Variants in PLPP3 observed in about 807,000 individuals in gnomAD.
PLPP3 encodes phospholipid phosphatase 3.
In PLPP3, 6 loss-of-function variants were observed where a neutral mutation model predicts 29.6. The observed-to-expected ratio is 0.20, with a 90% confidence interval of 0.11 to 0.40. The LOEUF (loss-of-function observed/expected upper bound fraction) is 0.40, where lower values mean the gene tolerates loss of function less well. Ranked by LOEUF, PLPP3 falls within the 10% of genes least tolerant of loss-of-function variation. PLPP3 has a pLI of 1.00. For synonymous variants in PLPP3, 152 were observed against 159.7 expected, an observed-to-expected ratio of 0.95 and a Z score of 0.36; for missense variants, 308 against 407.7, an observed-to-expected ratio of 0.76 and a Z score of 2.11.
At chr1:56,538,407 A>C in intron 1 of PLPP3, 1 of 362,504 alleles carries the variant, frequency 2.8e-6, no homozygotes. Context: ...CCAAAAACAC[A>C]GTGGCCTTTC....
intron 1 of PLPP3, among the ~76,000 whole-genome samples, chr1:56,569,404 C>A (rs1185499721): frequency 6.6e-6 from 1 of 152,046 alleles, no homozygotes; most frequent in Admixed American, 6.5e-5. Context: ...AAACTCCTGA[C>A]CTCGTGATCT....
chr1:56,550,376 T>A (rs985045715), intron 1 of PLPP3, among the ~76,000 whole-genome samples: 1 of 152,172 alleles, frequency 6.6e-6, no homozygotes, highest in African/African-American at 2.4e-5. Flanking sequence ...TGCTGGGTAA[T>A]GCATTTTTCA....
chr1:56,501,783 T>C (rs1270008230), intron 5 of PLPP3, among the ~76,000 whole-genome samples: 2 of 151,866 alleles, frequency 1.3e-5, no homozygotes, highest in East Asian at 3.9e-4. Flanking sequence ...TGGAAAAAGA[T>C]AAAAAGAGAG....
chr1:56,573,863 G>C (rs1034751284), intron 1 of PLPP3, among the ~76,000 whole-genome samples: 12 of 152,238 alleles, frequency 7.9e-5, no homozygotes, highest in African/African-American at 2.9e-4. Flanking sequence ...GCACAAGAAA[G>C]GGTAAAGGAA....
intron 1 of PLPP3, among the ~76,000 whole-genome samples, chr1:56,556,140 C>T (rs1203350528): frequency 6.6e-6 from 1 of 152,102 alleles, no homozygotes; most frequent in African/African-American, 2.4e-5. Flanking sequence ...TAAATTGTGC[C>T]CTCTCCCACC....
intron 4 of PLPP3, among the ~76,000 whole-genome samples, chr1:56,514,954 G>T (rs1232478916): frequency 6.6e-6 from 1 of 152,188 alleles, no homozygotes; most frequent in African/African-American, 2.4e-5. Flanking sequence ...TGTTAGTCTA[G>T]CTCCAACTCA....
At chr1:56,539,545 AAAAG>A (rs1188885380) in intron 1 of PLPP3, among the ~76,000 whole-genome samples, 2 of 152,210 alleles carry the variant, frequency 1.3e-5, no homozygotes, top group African/African-American at 4.8e-5. Context: ...TGGTGCTTTG[AAAAG>A]AAAGAACAGC....
rs372695116 is a variant in PLPP3 at position 56,557,006 on chromosome 1, GA to G, written c.140-19895del. On this transcript the variant is annotated intron_variant, in intron 1 of 5. Coordinates refer to ENST00000371250, the MANE Select transcript of PLPP3 (RefSeq NM_003713.5). The stretch of plus-strand genomic sequence containing the variant: ...AGAAAGAAAGAAAGAAAGAAAGAAA[GA>G]AAGAGAGAGAGAGAGAGAAAGAGAG... Among the ~76,000 whole-genome samples the G allele has an allele frequency of 1.2e-3, 8 of 6,458 alleles. 1 individual carries two copies. Among genetic ancestry groups the G allele is most frequent in the South Asian group, 2.4e-3 (1 of 420 alleles). 4.2% of individuals were successfully genotyped at this position (6,458 alleles called of 152,430 possible).
intron 2 of PLPP3, among the ~76,000 whole-genome samples, chr1:56,536,146 T>C (rs1645925548): frequency 6.6e-6 from 1 of 152,114 alleles, no homozygotes; most frequent in South Asian, 2.1e-4. Context: ...CTTTGAAGCG[T>C]TCAATTAACT....
At chr1:56,547,944 C>T (rs1930759) in intron 1 of PLPP3, among the ~76,000 whole-genome samples, 10,872 of 152,280 alleles carry the variant, frequency 0.071, 467 homozygotes, top group Admixed American at 0.14. Context: ...CTTTGAAAAG[C>T]TGTGAGGATG....
chr1:56,523,528 C>T (rs1331052710), intron 4 of PLPP3, among the ~76,000 whole-genome samples: 1 of 152,072 alleles, frequency 6.6e-6, no homozygotes, highest in East Asian at 1.9e-4. Flanking sequence ...ACTCTTGCAC[C>T]AACCTAATAC....
rs576149190 is a variant in PLPP3 at position 56,522,739 on chromosome 1, A to G, written c.633+1084T>C. Among the ~76,000 whole-genome samples the G allele has an allele frequency of 6.3e-4, 96 of 152,330 alleles. 1 individual carries two copies. Among genetic ancestry groups the G allele is most frequent in the African/African-American group, 2.3e-3 (95 of 41,572 alleles). ...CCCAATTCCTAATTGTGCTTTTTCAATAAGTTGAAATCAAAATGTTCTTTT... is the reference window on the plus strand; with the variant it reads ...CCCAATTCCTAATTGTGCTTTTTCAGTAAGTTGAAATCAAAATGTTCTTTT... On this transcript the variant is annotated intron_variant, in intron 4 of 5. Coordinates refer to ENST00000371250, the MANE Select transcript of PLPP3 (RefSeq NM_003713.5).
chr1:56,565,946 A>G (rs1646158476), intron 1 of PLPP3, among the ~76,000 whole-genome samples: 1 of 152,236 alleles, frequency 6.6e-6, no homozygotes, highest in Non-Finnish European at 1.5e-5. Flanking sequence ...CCAAGCACAA[A>G]AAGTGTCTCA....
At chr1:56,515,164 C>CT (rs1645772107) in intron 4 of PLPP3, among the ~76,000 whole-genome samples, 2 of 152,168 alleles carry the variant, frequency 1.3e-5, no homozygotes, top group African/African-American at 4.8e-5. Context: ...AGCAACCACT[C>CT]TCTTAGAGGC....
At chr1:56,552,181 A>G (rs565426412) in intron 1 of PLPP3, among the ~76,000 whole-genome samples, 16 of 151,808 alleles carry the variant, frequency 1.1e-4, no homozygotes, top group Admixed American at 5.9e-4. Flanking sequence ...TCCTCTGGAC[A>G]GTGATTTTCA....
intron 4 of PLPP3, among the ~76,000 whole-genome samples, chr1:56,522,156 C>A (rs986858505): frequency 2.0e-5 from 3 of 152,124 alleles, no homozygotes; most frequent in African/African-American, 7.2e-5. Flanking sequence ...TTCTTAGATT[C>A]AAATTGGATA....
intron 5 of PLPP3, among the ~76,000 whole-genome samples, chr1:56,507,101 A>G (rs1400387797): frequency 1.3e-5 from 2 of 152,134 alleles, no homozygotes; most frequent in Admixed American, 1.3e-4. Context: ...TTGACATGTG[A>G]TTTTTGTCTA....
In PLPP3 at chr1:56,524,250, T is replaced by C. The variant is rs747943440; in HGVS notation, c.575+27A>G. 55 of 1,611,462 alleles carry C rather than the reference T, an allele frequency of 3.4e-5. No individual in the cohort carries two copies. Among genetic ancestry groups the C allele is most frequent in the Non-Finnish European group, 4.5e-5 (53 of 1,179,170 alleles). On this transcript the variant is annotated intron_variant, in intron 3 of 5. Transcript: ENST00000371250. The surrounding 1 kb of genome is among the most constrained non-coding windows in gnomAD (Gnocchi z 4.3). The stretch of plus-strand genomic sequence containing the variant: ...TGCACTGTATGAAAGGGGTCCAGGC[T>C]CTGGCCATGCGGAGGTGGTGTCTCA...
Position 56,524,238 on chromosome 1 carries a change from A to T in PLPP3, c.575+39T>A, listed in dbSNP as rs1372447477. ...TGCTCACTGAACTGCACTGTATGAA[A>T]GGGGTCCAGGCTCTGGCCATGCGGA... On this transcript the variant is annotated intron_variant, in intron 3 of 5. Coordinates refer to ENST00000371250, the MANE Select transcript of PLPP3 (RefSeq NM_003713.5). The surrounding 1 kb of genome is among the most constrained non-coding windows in gnomAD (Gnocchi z 4.3). 1.9e-6 allele frequency: 3 copies of T among 1,609,124 alleles called. No individual in the cohort carries two copies. Among genetic ancestry groups the T allele is most frequent in the East Asian group, 4.5e-5 (2 of 44,832 alleles).
Sources: gnomAD v4.1 joint callset for allele counts (sites outside exome capture counted in the v4.1 genomes callset) on GRCh38, gnomAD v4.1.1 for gene constraint, Gnocchi (gnomAD v3.1) non-coding constraint, MANE v1.5 for transcripts, NCBI Gene and HGNC (gene_info 2026-07-23, HGNC 2026-07-21) for gene names.